The following GLG1 variants were observed in gnomAD, a reference collection of about 807,000 sequenced individuals.
The protein encoded by GLG1 is Golgi apparatus protein 1.
GLG1 carries 38 observed loss-of-function variants against 160.5 expected under a neutral mutation model. The ratio of observed to expected loss-of-function variants is 0.24; its 90% CI spans 0.18 to 0.31. The LOEUF is 0.31. GLG1 is among the 10% of genes least tolerant of loss of function. The probability of loss-of-function intolerance (pLI) is 1.00; values close to 1 mark genes in which losing one functional copy is unlikely to be tolerated. For missense variants in GLG1, 1,373 were observed against 1,505.2 expected (o/e 0.91, Z 1.45); for synonymous variants, 644 against 543.4 (o/e 1.19, Z -2.57).
In GLG1 at chr16:74,521,289, T is replaced by C. The variant is rs986785051; in HGVS notation, c.471+10832A>G. ...GGAGTTTAATCAGTGAGAAAAAAGTTTTAGGGGTTTTTGGACAGAGCAGTA... is the reference window on the plus strand; with the variant it reads ...GGAGTTTAATCAGTGAGAAAAAAGTCTTAGGGGTTTTTGGACAGAGCAGTA... On this transcript the variant is annotated intron_variant, in intron 2 of 25. Transcript: ENST00000422840. Among the ~76,000 whole-genome samples the C allele has an allele frequency of 2.7e-4, 41 of 151,912 alleles. 2 individuals are homozygous for C. The highest frequency in any genetic ancestry group is 7.4e-5 in the Non-Finnish European group (5 of 67,978).
Position 74,454,981 on chromosome 16 carries a change from G to A in GLG1, c.3373-1647C>T, listed in dbSNP as rs933492220. Reference sequence around the variant, plus strand: ...TAGCTGGGTGTGGTGGCGTGCACCTGTGGTCCCAGCTACTCAAGGAGGATC... The same window carrying A: ...TAGCTGGGTGTGGTGGCGTGCACCTATGGTCCCAGCTACTCAAGGAGGATC... On this transcript the variant is annotated intron_variant, in intron 25 of 25. Coordinates refer to ENST00000422840, the MANE Select transcript of GLG1 (RefSeq NM_001145667.2). Among the ~76,000 whole-genome samples, 5 of 151,988 alleles carry A rather than the reference G, an allele frequency of 3.3e-5. No homozygotes were observed. In the South Asian group the frequency reaches 6.2e-4, roughly 19 times the overall value.
intron 1 of GLG1, among the ~76,000 whole-genome samples, chr16:74,558,856 C>G (rs967581560): frequency 6.6e-6 from 1 of 152,096 alleles, no homozygotes; most frequent in Non-Finnish European, 1.5e-5. Context: ...ATTCTATTAC[C>G]TATTTTGTCA....
chr16:74,588,854 C>T (rs1248531807), intron 1 of GLG1, among the ~76,000 whole-genome samples: 1 of 151,980 alleles, frequency 6.6e-6, no homozygotes, highest in African/African-American at 2.4e-5. Context: ...AAAAGGGTTC[C>T]ATAAACTGAA....
chr16:74,538,155 A>G (rs3096400), intron 1 of GLG1, among the ~76,000 whole-genome samples: 140,638 of 146,932 alleles, frequency 0.96, 67,658 homozygotes, highest in East Asian at 1. Context: ...AGTGACAACC[A>G]ACTTTGTTTT....
chr16:74,515,135 G>C (rs1328979680), intron 2 of GLG1, among the ~76,000 whole-genome samples: 1 of 152,116 alleles, frequency 6.6e-6, no homozygotes, highest in Non-Finnish European at 1.5e-5. Flanking sequence ...GGAGCACCCA[G>C]ATTCATAAAG....
intron 10 of GLG1, among the ~76,000 whole-genome samples, chr16:74,481,695 C>T (rs891954018): frequency 1.3e-5 from 2 of 152,156 alleles, no homozygotes; most frequent in Non-Finnish European, 2.9e-5. Flanking sequence ...AACACATGCA[C>T]ACACACACGT....
At chr16:74,494,296 T>C (rs2016104778) in intron 6 of GLG1, among the ~76,000 whole-genome samples, 1 of 151,946 alleles carries the variant, frequency 6.6e-6, no homozygotes, top group Non-Finnish European at 1.5e-5. Flanking sequence ...TTCAGCCAAA[T>C]ATGCTTAAAA....
At chr16:74,495,812 T>G (rs2016165339) in intron 5 of GLG1, among the ~76,000 whole-genome samples, 1 of 152,088 alleles carries the variant, frequency 6.6e-6, no homozygotes. Flanking sequence ...AAATACTAAG[T>G]GGAGATCATT....
intron 1 of GLG1, among the ~76,000 whole-genome samples, chr16:74,597,136 A>C (rs1597384745): frequency 6.6e-6 from 1 of 151,544 alleles, no homozygotes; most frequent in African/African-American, 2.4e-5. Flanking sequence ...CAAAAAAAAA[A>C]CCCAAAACAA....
chr16:74,465,596 C>G, intron 19 of GLG1, 80 bp downstream of exon 19: 3 of 1,419,082 alleles, frequency 2.1e-6, no homozygotes, highest in East Asian at 4.6e-5. Context: ...GAAAGCTGAG[C>G]CTGAGGAAGT....
chr16:74,596,513 G>C (rs1194879515), intron 1 of GLG1, among the ~76,000 whole-genome samples: 2 of 152,012 alleles, frequency 1.3e-5, no homozygotes, highest in Non-Finnish European at 2.9e-5. Context: ...TGGGCCACAA[G>C]AGACTCCACC....
intron 1 of GLG1, among the ~76,000 whole-genome samples, chr16:74,581,534 T>TAAAAAAA (rs33982914): frequency 2.3e-5 from 3 of 132,042 alleles, no homozygotes; most frequent in Non-Finnish European, 4.8e-5. Context: ...ATGTAAGATT[T>TAAAAAAA]AAAAAAAAAA....
intron 7 of GLG1, among the ~76,000 whole-genome samples, chr16:74,492,744 G>A (rs988364121): frequency 2.0e-5 from 3 of 151,780 alleles, no homozygotes; most frequent in Non-Finnish European, 2.9e-5. Context: ...GCGTGAACAC[G>A]GAAGGCGGAG....
chr16:74,509,217 G>C (rs1309056038), intron 2 of GLG1, among the ~76,000 whole-genome samples: 1 of 138,244 alleles, frequency 7.2e-6, no homozygotes, highest in South Asian at 2.2e-4. Flanking sequence ...TTGTTGCCCA[G>C]GCTGGAGTGC....
At chr16:74,553,388 C>G (rs1480271450) in intron 1 of GLG1, among the ~76,000 whole-genome samples, 1 of 151,366 alleles carries the variant, frequency 6.6e-6, no homozygotes, top group Non-Finnish European at 1.5e-5. Flanking sequence ...TTTGACTATT[C>G]TGACAGATTC....
intron 4 of GLG1, among the ~76,000 whole-genome samples, chr16:74,497,337 G>A (rs2016231113): frequency 6.7e-6 from 1 of 149,252 alleles, no homozygotes; most frequent in African/African-American, 2.5e-5. Flanking sequence ...TCGGCTCAAA[G>A]TTCTGGTCAT....
In GLG1 at chr16:74,572,345, T is replaced by C. The variant is rs147818481; in HGVS notation, c.438+34312A>G. On this transcript the variant is annotated intron_variant, in intron 1 of 25. Coordinates refer to ENST00000422840, the MANE Select transcript of GLG1 (RefSeq NM_001145667.2). ...GGCCAACACAGTGAAACCCCGTCTC[T>C]ACCAAAGATATAAAATTTAGCTGGG... 3.3e-4 allele frequency among the ~76,000 whole-genome samples: 50 copies of C among 152,136 alleles called. 1 individual carries two copies. Among genetic ancestry groups the C allele is most frequent in the African/African-American group, 1.1e-3 (47 of 41,514 alleles).
Position 74,467,808 on chromosome 16 carries a change from C to G in GLG1, c.2477G>C (p.Cys826Ser), listed in dbSNP as rs2015053529. The change falls in exon 18 of 26, where the codon TGC (cysteine) becomes TCC (serine). Residue 826 changes from cysteine (C) to serine (S), a missense_variant. Around this residue, in one of 4 missense-constraint regions of GLG1, gnomAD observed 491 missense variants for 632.1 expected, o/e 0.78. Transcript: ENST00000422840. Reference protein sequence around the residue: ...IRLEPDLYEACKSDIKNFCSA... With the variant: ...IRLEPDLYEASKSDIKNFCSA... ...ACAGAAGTTTTTGATGTCACTCTTG[C>G]AGGCTTCGTATAGATCTGGCTCCAA... 1 of 1,613,508 alleles carries G rather than the reference C, an allele frequency of 6.2e-7. No individual in the cohort carries two copies.
chr16:74,573,021 T>G (rs1255899696), intron 1 of GLG1, among the ~76,000 whole-genome samples: 2 of 152,136 alleles, frequency 1.3e-5, no homozygotes, highest in Non-Finnish European at 2.9e-5. Flanking sequence ...GAATTGGTTG[T>G]TGGTGGGGGT....
Sources: allele counts gnomAD v4.1 joint callset (sites outside exome capture counted in the v4.1 genomes callset), GRCh38; gene constraint gnomAD v4.1.1; regional missense constraint gnomAD v4.1.1; transcripts MANE v1.5; gene names NCBI Gene and HGNC (gene_info 2026-07-23, HGNC 2026-07-21).